NRXN3: variants seen among roughly 807,000 people sequenced by gnomAD.
NRXN3 encodes the protein neurexin III.
Under a neutral mutation model 137.6 loss-of-function variants are expected in NRXN3, and 32 were observed. That is an observed-to-expected ratio of 0.23 (90% CI 0.18 to 0.31). The LOEUF (loss-of-function observed/expected upper bound fraction) is 0.31. Ranked by LOEUF, NRXN3 falls within the 10% of genes least tolerant of loss-of-function variation. NRXN3 has a pLI of 1.00. For synonymous variants in NRXN3, 798 were observed against 784.5 expected (o/e 1.02, Z -0.29); for missense variants, 1,574 against 2,062.5 (o/e 0.76, Z 4.59).
At chr14:79,012,263 A>C (rs889739069) in intron 15 of NRXN3, among the ~76,000 whole-genome samples, 3 of 152,184 alleles carry the variant, frequency 2.0e-5, no homozygotes, top group Admixed American at 2.0e-4. Context: ...ACGTTGGCAC[A>C]GATTACTGAA....
chr14:79,308,179 G>A (rs969996562), intron 15 of NRXN3, among the ~76,000 whole-genome samples: 1 of 149,788 alleles, frequency 6.7e-6, no homozygotes, highest in Non-Finnish European at 1.5e-5. Flanking sequence ...AGGACTTAGG[G>A]GGTTAGGACT....
chr14:79,783,791 A>C (rs1188437059), intron 19 of NRXN3, among the ~76,000 whole-genome samples: 5 of 152,128 alleles, frequency 3.3e-5, no homozygotes, highest in Admixed American at 2.6e-4. Flanking sequence ...AAGCCTTAGC[A>C]CTCATTTTGT....
At chr14:79,445,196 C>T (rs1347533718) in intron 15 of NRXN3, among the ~76,000 whole-genome samples, 3 of 151,576 alleles carry the variant, frequency 2.0e-5, no homozygotes, top group African/African-American at 4.8e-5. Flanking sequence ...AAAAATTACC[C>T]GGGTGTGGTG....
chr14:79,303,129 C>T (rs2085423082), intron 15 of NRXN3, among the ~76,000 whole-genome samples: 1 of 152,000 alleles, frequency 6.6e-6, no homozygotes, highest in South Asian at 2.1e-4. Flanking sequence ...CTTGTGCCCT[C>T]CTACTGCGCT....
intron 10 of NRXN3, among the ~76,000 whole-genome samples, chr14:78,854,251 G>A (rs1268673986): frequency 6.6e-6 from 1 of 152,048 alleles, no homozygotes. Flanking sequence ...CACATGCTTC[G>A]GCCTTGCCAA....
At chr14:78,653,710 T>TAC (rs10650669) in intron 6 of NRXN3, among the ~76,000 whole-genome samples, 15,085 of 142,902 alleles carry the variant, frequency 0.11, 831 homozygotes, top group East Asian at 0.22. Flanking sequence ...GAAAATAAAA[T>TAC]ACACACACAC....
intron 5 of NRXN3, among the ~76,000 whole-genome samples, chr14:78,649,083 C>G (rs2097713893): frequency 6.6e-6 from 1 of 152,172 alleles, no homozygotes; most frequent in African/African-American, 2.4e-5. Flanking sequence ...TCCCCCCACT[C>G]TCTTTTTCTG....
At chr14:78,584,972 G>A (rs1023996640) in intron 4 of NRXN3, among the ~76,000 whole-genome samples, 2 of 152,126 alleles carry the variant, frequency 1.3e-5, no homozygotes, top group East Asian at 3.9e-4. Flanking sequence ...AACAGGCATA[G>A]CATTAGCTTC....
chr14:78,494,426 G>GT lies in NRXN3; in HGVS notation c.758-150683dup, dbSNP rs1047418197. On this transcript the variant is annotated intron_variant, in intron 4 of 20. Transcript: ENST00000335750. ...GAAAGAATCCTACCAGAGGTGTTTT[G>GT]TTTTTTTTTTTGTCTGATTTCCTTT... Among the ~76,000 whole-genome samples, 111 of 134,944 alleles carry GT rather than the reference G, an allele frequency of 8.2e-4. 1 individual carries two copies. Among genetic ancestry groups the GT allele is most frequent in the East Asian group, 4.1e-3 (19 of 4,616 alleles). The allele number at this position is 134,944 out of a possible 152,430, so 88.5% of individuals were successfully genotyped here.
intron 8 of NRXN3, among the ~76,000 whole-genome samples, chr14:78,725,213 C>A (rs2152880975): frequency 6.6e-6 from 1 of 152,296 alleles, no homozygotes; most frequent in East Asian, 1.9e-4. Flanking sequence ...TGTTTGAAAC[C>A]TCCTGCTGTG....
intron 15 of NRXN3, among the ~76,000 whole-genome samples, chr14:79,113,457 C>T (rs183655852): frequency 3.9e-4 from 60 of 152,256 alleles, no homozygotes; most frequent in Admixed American, 8.5e-4. Flanking sequence ...CTTAATCGGC[C>T]TCGACTTCTT....
intron 16 of NRXN3, among the ~76,000 whole-genome samples, chr14:79,600,669 G>C (rs1000796057): frequency 1.3e-5 from 2 of 152,158 alleles, no homozygotes; most frequent in African/African-American, 2.4e-5. Context: ...TGCCAGAAGA[G>C]TGGGGAGAGA....
chr14:78,355,251 A>G (rs1011518351), intron 4 of NRXN3, among the ~76,000 whole-genome samples: 2 of 152,280 alleles, frequency 1.3e-5, no homozygotes, highest in Admixed American at 6.5e-5. Context: ...AAGGCTGCCT[A>G]TCTTGTTCCC....
chr14:78,856,173 A>G (rs537167965), intron 10 of NRXN3, among the ~76,000 whole-genome samples: 1 of 152,200 alleles, frequency 6.6e-6, no homozygotes, highest in Non-Finnish European at 1.5e-5. Context: ...AGCTTTTCAC[A>G]GTTGCAAAGT....
intron 8 of NRXN3, among the ~76,000 whole-genome samples, chr14:78,784,049 T>A: frequency 7.4e-6 from 1 of 134,960 alleles, no homozygotes; most frequent in Non-Finnish European, 1.5e-5. Flanking sequence ...CTAGAAGAAG[T>A]CAGATAACAC....
chr14:78,441,292 T>C (rs1228471277), intron 4 of NRXN3, among the ~76,000 whole-genome samples: 1 of 152,206 alleles, frequency 6.6e-6, no homozygotes, highest in African/African-American at 2.4e-5. Context: ...TCCTCCCTAT[T>C]TTCTTCTTCT....
chr14:78,177,036 G>T (rs1480243640), intron 1 of NRXN3, among the ~76,000 whole-genome samples: 2 of 152,138 alleles, frequency 1.3e-5, no homozygotes, highest in Admixed American at 1.3e-4. Flanking sequence ...TTCCAGTGGG[G>T]TGCTCAAGGT....
At chr14:78,610,408 T>C (rs1287334438) in intron 4 of NRXN3, among the ~76,000 whole-genome samples, 1 of 152,252 alleles carries the variant, frequency 6.6e-6, no homozygotes, top group Non-Finnish European at 1.5e-5. Context: ...GGCGTAAGCA[T>C]TGCTGCCCCT....
chr14:79,496,282 C>A (rs2096767134), intron 16 of NRXN3, among the ~76,000 whole-genome samples: 1 of 151,032 alleles, frequency 6.6e-6, no homozygotes, highest in Non-Finnish European at 1.5e-5. Context: ...CACACGACAA[C>A]TGTGAGCTGT....
Sources: allele counts gnomAD v4.1 joint callset (sites outside exome capture counted in the v4.1 genomes callset), GRCh38; gene constraint gnomAD v4.1.1; transcripts MANE v1.5; gene names NCBI Gene and HGNC (gene_info 2026-07-23, HGNC 2026-07-21).